UBE2E2: variants seen among roughly 807,000 people sequenced by gnomAD.
UBE2E2 encodes ubiquitin-conjugating enzyme E2 E2.
UBE2E2 carries 6 observed loss-of-function variants against 24.7 expected under a neutral mutation model. The ratio of observed to expected loss-of-function variants is 0.24; its 90% CI spans 0.13 to 0.48. UBE2E2 has a LOEUF of 0.48. UBE2E2 is among the 20% of genes least tolerant of loss of function. The pLI, the probability that UBE2E2 is intolerant of heterozygous loss-of-function variation, is 0.99. For synonymous variants in UBE2E2, 104 were observed against 83.6 expected, an observed-to-expected ratio of 1.24 and a Z score of -1.33; for missense variants, 169 against 245.0, an observed-to-expected ratio of 0.69 and a Z score of 2.07.
chr3:23,252,386 A>G (rs565909107), intron 3 of UBE2E2, among the ~76,000 whole-genome samples: 2 of 152,334 alleles, frequency 1.3e-5, no homozygotes, highest in South Asian at 2.1e-4. Flanking sequence ...GAATAACACT[A>G]TCATTCAGCT....
intron 3 of UBE2E2, among the ~76,000 whole-genome samples, chr3:23,236,799 C>T (rs530205272): frequency 1.3e-5 from 2 of 152,148 alleles, no homozygotes; most frequent in Admixed American, 6.6e-5. Flanking sequence ...CCGCCTGTCT[C>T]TCTATCTCTT....
intron 3 of UBE2E2, among the ~76,000 whole-genome samples, chr3:23,308,764 G>A (rs1021199882): frequency 4.6e-5 from 7 of 152,116 alleles, no homozygotes; most frequent in Non-Finnish European, 7.3e-5. Context: ...GTGAAGCCCC[G>A]CCATAGGCCA....
intron 3 of UBE2E2, among the ~76,000 whole-genome samples, chr3:23,364,746 G>A (rs1376700619): frequency 6.6e-6 from 1 of 152,148 alleles, no homozygotes; most frequent in African/African-American, 2.4e-5. Context: ...AATTGAGGTG[G>A]AGGGAATCCT....
rs961019390 is a variant in UBE2E2 at position 23,316,111 on chromosome 3, C to T, written c.227+98799C>T. On this transcript the variant is annotated intron_variant, in intron 3 of 5. Transcript: ENST00000396703. ...AGCACTGAGTCTTATCCAGGGTCCCCTGTAACCACTGACTGGCTACTGCCT... is the reference window on the plus strand; with the variant it reads ...AGCACTGAGTCTTATCCAGGGTCCCTTGTAACCACTGACTGGCTACTGCCT... 3.9e-5 allele frequency among the ~76,000 whole-genome samples: 6 copies of T among 152,268 alleles called. No individual in the cohort carries two copies. In the South Asian group the frequency reaches 1.2e-3, roughly 32 times the overall value.
At chr3:23,265,851 G>T (rs1056031302) in intron 3 of UBE2E2, among the ~76,000 whole-genome samples, 8 of 152,130 alleles carry the variant, frequency 5.3e-5, no homozygotes, top group African/African-American at 1.9e-4. Context: ...GCATATATAT[G>T]TAGGATAGTT....
chr3:23,348,784 G>C (rs544289242), intron 3 of UBE2E2, among the ~76,000 whole-genome samples: 1 of 151,400 alleles, frequency 6.6e-6, no homozygotes, highest in Non-Finnish European at 1.5e-5. Flanking sequence ...AAAACTGCAG[G>C]CTGTTGCTAG....
At chr3:23,329,921 G>T (rs1695013700) in intron 3 of UBE2E2, among the ~76,000 whole-genome samples, 1 of 152,180 alleles carries the variant, frequency 6.6e-6, no homozygotes, top group Admixed American at 6.5e-5. Context: ...TATTTGGCAA[G>T]AATAAAAAGT....
rs1257435708 is a variant in UBE2E2 at position 23,253,390 on chromosome 3, G to A, written c.227+36078G>A. Among the ~76,000 whole-genome samples the A allele has an allele frequency of 2.0e-5, 3 of 152,186 alleles. 1 individual carries two copies. Among genetic ancestry groups the A allele is most frequent in the Admixed American group, 2.0e-4 (3 of 15,280 alleles). On this transcript the variant is annotated intron_variant, in intron 3 of 5. Transcript: ENST00000396703. ...CATAGTACACAAACTGTTCACAAAG[G>A]AGGAAATATGGTTAGTAAACAGGCA... is the stretch of plus-strand genomic sequence containing the variant.
At chr3:23,511,784 A>C (rs1018869160) in intron 4 of UBE2E2, among the ~76,000 whole-genome samples, 4 of 152,208 alleles carry the variant, frequency 2.6e-5, no homozygotes, top group Non-Finnish European at 5.9e-5. Context: ...AAGCTTATAT[A>C]ATAATACCTC....
At chr3:23,455,245 A>G (rs1698653234) in intron 3 of UBE2E2, among the ~76,000 whole-genome samples, 1 of 152,232 alleles carries the variant, frequency 6.6e-6, no homozygotes, top group Non-Finnish European at 1.5e-5. Flanking sequence ...CAGGAACCTC[A>G]GAGATACTGC....
chr3:23,259,055 C>T (rs1293965073), intron 3 of UBE2E2, among the ~76,000 whole-genome samples: 2 of 151,974 alleles, frequency 1.3e-5, no homozygotes, highest in South Asian at 2.1e-4. Context: ...CAATTTTATA[C>T]AGGTGAATTC....
At chr3:23,560,820 A>T (rs1263033290) in intron 5 of UBE2E2, among the ~76,000 whole-genome samples, 11 of 152,168 alleles carry the variant, frequency 7.2e-5, no homozygotes, top group Non-Finnish European at 1.5e-4. Context: ...ATGGCCAGTG[A>T]TGATGAGCAT....
chr3:23,428,770 G>A (rs1294547061), intron 3 of UBE2E2, among the ~76,000 whole-genome samples: 2 of 151,404 alleles, frequency 1.3e-5, no homozygotes, highest in Admixed American at 6.6e-5. Flanking sequence ...ATCCAGACTG[G>A]GCAACACAGT....
At chr3:23,471,858 A>G (rs1157900588) in intron 3 of UBE2E2, among the ~76,000 whole-genome samples, 3 of 152,200 alleles carry the variant, frequency 2.0e-5, no homozygotes, top group African/African-American at 7.2e-5. Flanking sequence ...CTTTGTGAAA[A>G]CAATTGAAAA....
intron 3 of UBE2E2, among the ~76,000 whole-genome samples, chr3:23,370,720 G>A (rs1176325721): frequency 6.6e-6 from 1 of 152,166 alleles, no homozygotes; most frequent in African/African-American, 2.4e-5. Flanking sequence ...TTCCACCAGT[G>A]GTGGAGCTAG....
At chr3:23,438,279 C>T (rs1381016956) in intron 3 of UBE2E2, among the ~76,000 whole-genome samples, 1 of 152,126 alleles carries the variant, frequency 6.6e-6, no homozygotes, top group Non-Finnish European at 1.5e-5. Context: ...TTTCCTCATG[C>T]TGGAGCAAGA....
chr3:23,361,069 A>G (rs1054783806), intron 3 of UBE2E2, among the ~76,000 whole-genome samples: 1 of 152,216 alleles, frequency 6.6e-6, no homozygotes, highest in African/African-American at 2.4e-5. Flanking sequence ...CAACAAAAAT[A>G]TGAAGAAATG....
chr3:23,319,921 C>A (rs1694700010), intron 3 of UBE2E2, among the ~76,000 whole-genome samples: 3 of 152,154 alleles, frequency 2.0e-5, no homozygotes, highest in Admixed American at 2.0e-4. Context: ...AGGCTGATAG[C>A]TGTGTCATGG....
At chr3:23,252,469 A>G (rs1697600408) in intron 3 of UBE2E2, among the ~76,000 whole-genome samples, 1 of 152,210 alleles carries the variant, frequency 6.6e-6, no homozygotes, top group South Asian at 2.1e-4. Context: ...TTGGTTTGCC[A>G]GTAAAACAAA....
Sources: gnomAD v4.1 joint callset for allele counts (sites outside exome capture counted in the v4.1 genomes callset) on GRCh38, gnomAD v4.1.1 for gene constraint, MANE v1.5 for transcripts, NCBI Gene and HGNC (gene_info 2026-07-23, HGNC 2026-07-21) for gene names.